Variants in ANO4 observed in about 807,000 individuals in gnomAD.
ANO4 encodes the protein anoctamin 4.
ANO4 carries 69 observed loss-of-function variants against 141.9 expected under a neutral mutation model. The ratio of observed to expected loss-of-function variants is 0.49; its 90% CI spans 0.40 to 0.59. The LOEUF (loss-of-function observed/expected upper bound fraction) is 0.59. ANO4 is among the 20% of genes least tolerant of loss of function. ANO4 has a pLI of 0.00. For missense variants in ANO4, 894 were observed against 1,162.2 expected, an observed-to-expected ratio of 0.77 and a Z score of 3.36; for synonymous variants, 350 against 394.3, an observed-to-expected ratio of 0.89 and a Z score of 1.33.
intron 5 of ANO4, among the ~76,000 whole-genome samples, chr12:100,967,544 A>G (rs7306312): frequency 0.15 from 21,979 of 148,762 alleles, 1,885 homozygotes; most frequent in East Asian, 0.31. Context: ...CCCATACACT[A>G]TATTTTCCCT....
intron 1 of ANO4, among the ~76,000 whole-genome samples, chr12:100,835,468 T>C (rs1056268534): frequency 2.6e-5 from 4 of 152,154 alleles, no homozygotes; most frequent in African/African-American, 9.7e-5. Flanking sequence ...TACTCGGTAC[T>C]TTTTCTGTCC....
chr12:100,718,869 C>G (rs1565836700), intron 1 of ANO4, among the ~76,000 whole-genome samples: 1 of 152,158 alleles, frequency 6.6e-6, no homozygotes, highest in Non-Finnish European at 1.5e-5. Flanking sequence ...TATTCATTGG[C>G]AAAACATCTA....
intron 14 of ANO4, among the ~76,000 whole-genome samples, chr12:101,064,484 C>T (rs537152987): frequency 1.4e-4 from 21 of 151,992 alleles, no homozygotes; most frequent in African/African-American, 2.9e-4. Context: ...CATGGACACG[C>T]GGAGGGGAAC....
rs555843106 is a variant in ANO4 at position 100,926,504 on chromosome 12, G to A, written c.160+4174G>A. On this transcript the variant is annotated intron_variant, in intron 3 of 27. Transcript: ENST00000392977. ...AGTCTAATTCAGGAAAAATGAAAAC[G>A]TTTTCAGATCACGTCTTGTTTTGGT... Among the ~76,000 whole-genome samples, 58 of 152,164 alleles carry A rather than the reference G, an allele frequency of 3.8e-4. 2 individuals are homozygous for A. The South Asian group carries it at 9.6e-3, about 25-fold the overall frequency.
chr12:100,941,746 ATG>A (rs58777726), intron 4 of ANO4, among the ~76,000 whole-genome samples: 6,314 of 151,980 alleles, frequency 0.042, 442 homozygotes, highest in African/African-American at 0.14. Flanking sequence ...GATAATGTTA[ATG>A]TGTTTTCCAG....
intron 8 of ANO4, among the ~76,000 whole-genome samples, chr12:101,000,367 A>G (rs1411084122): frequency 5.3e-5 from 8 of 152,230 alleles, no homozygotes; most frequent in Non-Finnish European, 8.8e-5. Flanking sequence ...AACTCTCAGC[A>G]TAGATATCGG....
chr12:101,072,314 T>A (rs2048846960), intron 14 of ANO4, among the ~76,000 whole-genome samples: 1 of 152,172 alleles, frequency 6.6e-6, no homozygotes. Flanking sequence ...CACTTCTTAC[T>A]TTCTATTAGC....
intron 2 of ANO4, among the ~76,000 whole-genome samples, chr12:100,919,057 A>G (rs183074090): frequency 3.3e-3 from 501 of 152,322 alleles, no homozygotes; most frequent in Non-Finnish European, 5.3e-3. Context: ...AAATGCTTAT[A>G]GAATATGGAT....
intron 8 of ANO4, among the ~76,000 whole-genome samples, chr12:101,004,119 G>C (rs951708441): frequency 7.6e-6 from 1 of 131,088 alleles, no homozygotes; most frequent in African/African-American, 3.1e-5. Context: ...ACTGAAACCT[G>C]GCAGTTATTT....
chr12:100,974,341 T>C (rs1420486086), intron 6 of ANO4, among the ~76,000 whole-genome samples: 1 of 151,978 alleles, frequency 6.6e-6, no homozygotes, highest in Non-Finnish European at 1.5e-5. Context: ...CCCATACTGG[T>C]TGTGAAATAC....
chr12:101,071,001 C>A (rs1423235154), intron 14 of ANO4, among the ~76,000 whole-genome samples: 1 of 151,976 alleles, frequency 6.6e-6, no homozygotes, highest in Non-Finnish European at 1.5e-5. Flanking sequence ...TGGTTTTTAT[C>A]CAAAAGTCTG....
chr12:100,945,013 A>G (rs550343293), intron 5 of ANO4, among the ~76,000 whole-genome samples: 6 of 152,316 alleles, frequency 3.9e-5, no homozygotes, highest in South Asian at 4.1e-4. Context: ...CTTTTATAGG[A>G]CATAAAATGA....
chr12:100,930,799 T>G (rs1393216245), intron 3 of ANO4, among the ~76,000 whole-genome samples: 1 of 152,112 alleles, frequency 6.6e-6, no homozygotes, highest in Admixed American at 6.6e-5. Context: ...TAAAATGTAT[T>G]TTTCCCCAAT....
chr12:101,053,907 T>G (rs1408031965), intron 14 of ANO4, among the ~76,000 whole-genome samples: 1 of 152,140 alleles, frequency 6.6e-6, no homozygotes, highest in Admixed American at 6.6e-5. Context: ...GGAGTTATAA[T>G]CCGGGAAGGG....
intron 1 of ANO4, among the ~76,000 whole-genome samples, chr12:100,878,701 G>C (rs923594009): frequency 4.6e-5 from 7 of 152,184 alleles, no homozygotes; most frequent in African/African-American, 1.7e-4. Flanking sequence ...CCTAAGGCGT[G>C]CTGTTTTCTG....
chr12:100,788,792 A>G (rs1294100334), intron 3 of ANO4, among the ~76,000 whole-genome samples: 2 of 152,278 alleles, frequency 1.3e-5, no homozygotes, highest in Admixed American at 1.3e-4. Flanking sequence ...AGTGGAGCGT[A>G]CATGATAGTG....
intron 9 of ANO4, among the ~76,000 whole-genome samples, chr12:101,022,089 T>C (rs2046558092): frequency 8.6e-6 from 1 of 116,130 alleles, no homozygotes; most frequent in Non-Finnish European, 2.0e-5. Flanking sequence ...GCTGCATAAA[T>C]TAAAATATAA....
intron 14 of ANO4, among the ~76,000 whole-genome samples, chr12:101,054,747 G>A (rs531192373): frequency 4.2e-4 from 64 of 152,136 alleles, no homozygotes; most frequent in African/African-American, 1.2e-3. Context: ...TGATCCGCCC[G>A]CCTTGGCCTC....
intron 1 of ANO4, among the ~76,000 whole-genome samples, chr12:100,796,377 A>G (rs2034321804): frequency 6.6e-6 from 1 of 151,952 alleles, no homozygotes; most frequent in Admixed American, 6.6e-5. Context: ...GCTCATTTTC[A>G]CTACTTTTAT....
Sources: gnomAD v4.1 joint callset for allele counts (sites outside exome capture counted in the v4.1 genomes callset) on GRCh38, gnomAD v4.1.1 for gene constraint, MANE v1.5 for transcripts, NCBI Gene and HGNC (gene_info 2026-07-23, HGNC 2026-07-21) for gene names.